The following AKAP6 variants were observed in gnomAD, a reference collection of about 807,000 sequenced individuals.
AKAP6 encodes A-kinase anchoring protein 6.
AKAP6 carries 58 observed loss-of-function variants against 188.5 expected under a neutral mutation model. The ratio of observed to expected loss-of-function variants is 0.31; its 90% CI spans 0.25 to 0.38. The LOEUF (loss-of-function observed/expected upper bound fraction) is 0.38. Among genes scored for constraint, AKAP6 ranks in the 10% least tolerant of loss-of-function variants. The pLI is 1.00. For missense variants in AKAP6, 2,710 were observed against 2,740.0 expected, an observed-to-expected ratio of 0.99 and a Z score of 0.24; for synonymous variants, 989 against 998.6, an observed-to-expected ratio of 0.99 and a Z score of 0.18.
At position 32,811,556 on chromosome 14, in the gene AKAP6, C is replaced by G. The variant is rs761923892; in HGVS notation, c.3589-9846C>G. ...TATGGGTCAGAAGGATGGGGACTTGCGTGATTGGCATCTGAAGTGAAGGCA... is the reference window on the plus strand; with the variant it reads ...TATGGGTCAGAAGGATGGGGACTTGGGTGATTGGCATCTGAAGTGAAGGCA... On this transcript the variant is annotated intron_variant, in intron 12 of 13. Coordinates refer to ENST00000280979, the MANE Select transcript of AKAP6 (RefSeq NM_004274.5). Among the ~76,000 whole-genome samples the G allele has an allele frequency of 2.0e-5, 3 of 152,096 alleles. No homozygotes were observed. In the South Asian group the frequency reaches 6.2e-4, roughly 31 times the overall value.
At chr14:32,567,088 G>C (rs1383256604) in intron 4 of AKAP6, among the ~76,000 whole-genome samples, 1 of 151,988 alleles carries the variant, frequency 6.6e-6, no homozygotes, top group African/African-American at 2.4e-5. Context: ...TGACCAGCAA[G>C]TGTTTTATTT....
intron 1 of AKAP6, among the ~76,000 whole-genome samples, chr14:32,428,533 C>T (rs951181348): frequency 2.0e-5 from 3 of 152,024 alleles, no homozygotes; most frequent in African/African-American, 7.2e-5. Flanking sequence ...AATGATTAAT[C>T]CTGAAGGGCC....
chr14:32,753,168 T>C, intron 11 of AKAP6, among the ~76,000 whole-genome samples: 1 of 152,176 alleles, frequency 6.6e-6, no homozygotes, highest in East Asian at 1.9e-4. Flanking sequence ...CCAACAACAG[T>C]GTACAAGGGT....
chr14:32,726,371 A>T (rs2030874766), intron 9 of AKAP6, among the ~76,000 whole-genome samples: 1 of 152,240 alleles, frequency 6.6e-6, no homozygotes, highest in South Asian at 2.1e-4. Context: ...AAATAGAAAA[A>T]GAAAAGAAAA....
At chr14:32,690,144 A>G (rs1037286177) in intron 8 of AKAP6, among the ~76,000 whole-genome samples, 1 of 150,552 alleles carries the variant, frequency 6.6e-6, no homozygotes, top group African/African-American at 2.4e-5. Context: ...TAAGTAGAAA[A>G]CCTGTGAGGA....
intron 12 of AKAP6, among the ~76,000 whole-genome samples, chr14:32,787,882 C>A (rs1308538642): frequency 1.3e-5 from 2 of 151,702 alleles, no homozygotes; most frequent in Non-Finnish European, 2.9e-5. Flanking sequence ...TATGCCCTCC[C>A]TCCTGTTTCC....
intron 4 of AKAP6, among the ~76,000 whole-genome samples, chr14:32,559,451 A>T (rs1339877284): frequency 2.0e-5 from 3 of 152,236 alleles, no homozygotes; most frequent in African/African-American, 7.2e-5. Context: ...ATTTTTAAAT[A>T]GGTCAAATAA....
intron 7 of AKAP6, among the ~76,000 whole-genome samples, chr14:32,636,728 G>T (rs1327804236): frequency 1.3e-5 from 2 of 152,096 alleles, no homozygotes; most frequent in Non-Finnish European, 2.9e-5. Flanking sequence ...ACACTAGCAG[G>T]AAAACAATAA....
chr14:32,757,370 G>A (rs2032376992), intron 11 of AKAP6, among the ~76,000 whole-genome samples: 1 of 152,116 alleles, frequency 6.6e-6, no homozygotes, highest in Non-Finnish European at 1.5e-5. Flanking sequence ...TTTCTGAACT[G>A]GTTTGTTGGT....
chr14:32,514,735 C>G (rs922931484), intron 2 of AKAP6, among the ~76,000 whole-genome samples: 1 of 152,086 alleles, frequency 6.6e-6, no homozygotes, highest in Non-Finnish European at 1.5e-5. Flanking sequence ...GAAAAAGCAA[C>G]AGGTGGTATA....
At chr14:32,498,157 G>A (rs891121244) in intron 2 of AKAP6, among the ~76,000 whole-genome samples, 1 of 151,952 alleles carries the variant, frequency 6.6e-6, no homozygotes. Flanking sequence ...CCATTGTCAT[G>A]TGACTGTCAT....
chr14:32,475,934 C>G (rs565942070), intron 2 of AKAP6, among the ~76,000 whole-genome samples: 1 of 151,966 alleles, frequency 6.6e-6, no homozygotes, highest in East Asian at 1.9e-4. Context: ...CCGCCCGCCT[C>G]GGCCTCCCAA....
At chr14:32,593,642 A>C (rs925699277) in intron 5 of AKAP6, among the ~76,000 whole-genome samples, 1 of 152,214 alleles carries the variant, frequency 6.6e-6, no homozygotes, top group African/African-American at 2.4e-5. Context: ...CAAGCTGCCT[A>C]TGCTTAACTG....
chr14:32,736,154 A>T (rs1427810589), intron 11 of AKAP6, among the ~76,000 whole-genome samples: 1 of 152,178 alleles, frequency 6.6e-6, no homozygotes, highest in Non-Finnish European at 1.5e-5. Context: ...TGATGAGTTA[A>T]AAGCAGACCA....
intron 2 of AKAP6, among the ~76,000 whole-genome samples, chr14:32,434,453 G>A (rs1890319980): frequency 6.6e-6 from 1 of 152,090 alleles, no homozygotes; most frequent in Non-Finnish European, 1.5e-5. Flanking sequence ...TACTAATAGC[G>A]TTTTTGGCCT....
Position 32,829,831 on chromosome 14 carries a change from T to C in AKAP6, c.*43-17T>C. On this transcript the variant is annotated splice_polypyrimidine_tract_variant and intron_variant, in intron 13 of 13. Coordinates refer to ENST00000280979, the MANE Select transcript of AKAP6 (RefSeq NM_004274.5). ...CATTTCTGAAACCTTTTCTTGTCAC[T>C]TTTTTGTTTCTTGTAGATACGCCTG... 1 of 690,694 alleles carries C rather than the reference T, an allele frequency of 1.4e-6. No homozygotes were observed. The highest frequency in any genetic ancestry group is 1.5e-5 in the South Asian group (1 of 65,748). The allele number at this position is 690,694 out of a possible 1,614,324, so 42.8% of individuals were successfully genotyped here.
intron 7 of AKAP6, among the ~76,000 whole-genome samples, chr14:32,665,912 G>A (rs935839114): frequency 1.3e-5 from 2 of 152,146 alleles, no homozygotes; most frequent in Non-Finnish European, 2.9e-5. Flanking sequence ...AATGGGGATA[G>A]GTGGAGATGG....
intron 12 of AKAP6, among the ~76,000 whole-genome samples, chr14:32,801,706 C>T (rs2033953630): frequency 6.6e-6 from 1 of 152,160 alleles, no homozygotes; most frequent in Non-Finnish European, 1.5e-5. Context: ...AATGAAACCA[C>T]CCAGGTTTTG....
At chr14:32,480,100 G>A (rs749175503) in intron 2 of AKAP6, among the ~76,000 whole-genome samples, 10 of 152,158 alleles carry the variant, frequency 6.6e-5, no homozygotes, top group Admixed American at 1.3e-4. Flanking sequence ...GTTGGGGTTT[G>A]TGTCTCTTAC....
Sources: allele counts gnomAD v4.1 joint callset (sites outside exome capture counted in the v4.1 genomes callset), GRCh38; gene constraint gnomAD v4.1.1; transcripts MANE v1.5; gene names NCBI Gene and HGNC (gene_info 2026-07-23, HGNC 2026-07-21).